The following PDE1A variants were observed in gnomAD, a reference collection of about 807,000 sequenced individuals.
PDE1A encodes phosphodiesterase 1A, also known as dual specificity calcium/calmodulin-dependent 3',5'-cyclic nucleotide phosphodiesterase 1A.
PDE1A carries 35 observed loss-of-function variants against 61.7 expected under a neutral mutation model. The observed-to-expected ratio is 0.57, with a 90% CI of 0.43 to 0.75. PDE1A has a LOEUF of 0.75. PDE1A is among the 30% of genes least tolerant of loss of function. The pLI is 0.00. For synonymous variants in PDE1A, 232 were observed against 213.2 expected (o/e 1.09, Z -0.77); for missense variants, 597 against 630.6 (o/e 0.95, Z 0.57).
rs1574608532 is a variant in PDE1A, at chr2:182,185,719, A to C, written c.1516+173T>G. The stretch of plus-strand genomic sequence containing the variant: ...CACAAACAAACCAGAACCTCTTTTT[A>C]TCTAATAAATGAGCCAACTTTCTCA... On this transcript the variant is annotated intron_variant, in intron 13 of 13. Transcript: ENST00000351439. 6.3e-6 allele frequency: 8 copies of C among 1,274,126 alleles called. No homozygotes were observed. The East Asian group carries it at 2.1e-4, about 33-fold the overall frequency. 78.9% of individuals were successfully genotyped at this position (1,274,126 alleles called of 1,614,324 possible). A position where few individuals can be genotyped will look rare whatever the true frequency, so the allele number is the denominator to read the frequency against.
chr2:182,634,465 T>C, the PDE1A span, among the ~76,000 whole-genome samples: 93,660 of 151,988 alleles, frequency 0.62, 29,101 homozygotes, highest in Admixed American at 0.71. Flanking sequence ...CAAGGCAGAC[T>C]AAAGAGCACA....
chr2:182,602,992 CACATACATACATACAT>C, the PDE1A span, among the ~76,000 whole-genome samples: 14 of 130,492 alleles, frequency 1.1e-4, no homozygotes, highest in East Asian at 2.1e-4. Flanking sequence ...CACACACACA[CACATACATACATACAT>C]ACATACATAC....
chr2:182,231,763 A>AAATT (rs1200385962), intron 4 of PDE1A, among the ~76,000 whole-genome samples: 1 of 151,934 alleles, frequency 6.6e-6, no homozygotes, highest in Admixed American at 6.6e-5. Context: ...AAAAATACAA[A>AAATT]AATTAGCCAG....
the PDE1A span, among the ~76,000 whole-genome samples, chr2:182,683,071 C>A: frequency 6.6e-6 from 1 of 151,060 alleles, no homozygotes; most frequent in Non-Finnish European, 1.5e-5. Flanking sequence ...TGCATTGGAA[C>A]AACTTGTGTT....
the PDE1A span, among the ~76,000 whole-genome samples, chr2:182,543,745 A>C: frequency 1.3e-5 from 2 of 152,094 alleles, no homozygotes; most frequent in African/African-American, 4.8e-5. Flanking sequence ...TCTATATTAC[A>C]CTCCAGATAC....
intron 1 of PDE1A, among the ~76,000 whole-genome samples, chr2:182,304,085 G>C (rs1377071170): frequency 6.6e-6 from 1 of 152,054 alleles, no homozygotes; most frequent in Non-Finnish European, 1.5e-5. Context: ...ATTTTTAGTA[G>C]AGACACGGTT....
chr2:182,536,305 T>C, the PDE1A span, among the ~76,000 whole-genome samples: 1 of 152,250 alleles, frequency 6.6e-6, no homozygotes, highest in Non-Finnish European at 1.5e-5. Context: ...AAAATTTTAG[T>C]ATATTCTATC....
downstream of PDE1A, among the ~76,000 whole-genome samples, chr2:182,143,272 G>A (rs1011514758): frequency 6.6e-6 from 1 of 151,628 alleles, no homozygotes; most frequent in South Asian, 2.1e-4. Flanking sequence ...GTGAAGTAAT[G>A]AATATGTTAA....
chr2:182,304,842 T>A (rs570555650), intron 1 of PDE1A, among the ~76,000 whole-genome samples: 1 of 152,082 alleles, frequency 6.6e-6, no homozygotes, highest in Non-Finnish European at 1.5e-5. Context: ...ATAATAACAA[T>A]ATAGTTTGCA....
chr2:182,456,519 T>G (rs1475794427), intron 2 of PDE1A, among the ~76,000 whole-genome samples: 1 of 152,106 alleles, frequency 6.6e-6, no homozygotes, highest in Non-Finnish European at 1.5e-5. Context: ...TAAAATAATC[T>G]TAATTTCTCT....
At chr2:182,603,943 A>T in the PDE1A span, among the ~76,000 whole-genome samples, 2 of 152,062 alleles carry the variant, frequency 1.3e-5, no homozygotes, top group Non-Finnish European at 2.9e-5. Flanking sequence ...ACCTACTAAT[A>T]CTTCATTGGG....
At chr2:182,609,879 G>A in the PDE1A span, among the ~76,000 whole-genome samples, 2 of 152,170 alleles carry the variant, frequency 1.3e-5, no homozygotes, top group African/African-American at 4.8e-5. Flanking sequence ...TCTGTGGTCA[G>A]GAGTTCGAGA....
chr2:182,341,256 A>G (rs1698165370), intron 1 of PDE1A, among the ~76,000 whole-genome samples: 2 of 152,222 alleles, frequency 1.3e-5, no homozygotes, highest in African/African-American at 2.4e-5. Context: ...CTAAATTACA[A>G]GACCAAGAAG....
chr2:182,231,451 G>C (rs549696741), intron 4 of PDE1A, among the ~76,000 whole-genome samples: 2 of 152,282 alleles, frequency 1.3e-5, no homozygotes, highest in Admixed American at 1.3e-4. Context: ...CATTTTCTCA[G>C]AGTGGACCTC....
chr2:182,289,058 G>A (rs1261373207), intron 1 of PDE1A, among the ~76,000 whole-genome samples: 1 of 148,894 alleles, frequency 6.7e-6, no homozygotes, highest in Non-Finnish European at 1.5e-5. Flanking sequence ...ACTTCTGGTT[G>A]TCCATAATTC....
intron 13 of PDE1A, 121 bp from the exon 14 acceptor site, chr2:182,147,273 G>T: frequency 3.7e-6 from 2 of 539,168 alleles, no homozygotes; most frequent in Non-Finnish European, 6.4e-6. Flanking sequence ...AATGGATTTT[G>T]TGGCACATTT....
chr2:182,632,344 C>CGT, the PDE1A span, among the ~76,000 whole-genome samples: 162 of 152,222 alleles, frequency 1.1e-3, no homozygotes, highest in Non-Finnish European at 1.7e-3. Flanking sequence ...GTTTTACAAT[C>CGT]GTTCTATGTA....
chr2:182,712,346 G>A, the PDE1A span, among the ~76,000 whole-genome samples: 1 of 152,174 alleles, frequency 6.6e-6, no homozygotes, highest in African/African-American at 2.4e-5. Flanking sequence ...GGGGTCTGAG[G>A]ATTAGATGGT....
At chr2:182,251,886 A>C (rs1189196670) in intron 2 of PDE1A, among the ~76,000 whole-genome samples, 8 of 152,222 alleles carry the variant, frequency 5.3e-5, no homozygotes, top group Admixed American at 5.2e-4. Flanking sequence ...GAACTAAAAA[A>C]GTCAATTTTC....
Sources: gnomAD v4.1 joint callset for allele counts (sites outside exome capture counted in the v4.1 genomes callset) on GRCh38, gnomAD v4.1.1 for gene constraint, MANE v1.5 for transcripts, NCBI Gene and HGNC (gene_info 2026-07-23, HGNC 2026-07-21) for gene names.